The following PHACTR1 variants were observed in gnomAD, a reference collection of about 807,000 sequenced individuals.
PHACTR1 encodes phosphatase and actin regulator 1.
A neutral mutation model predicts 69.2 loss-of-function variants in PHACTR1; 16 were observed. That is an observed-to-expected ratio of 0.23 (90% CI 0.16 to 0.35). The LOEUF is 0.35. Among genes scored for constraint, PHACTR1 ranks in the 10% least tolerant of loss-of-function variants. PHACTR1 has a pLI of 1.00. For missense variants in PHACTR1, 510 were observed against 734.7 expected (o/e 0.69, Z 3.54); for synonymous variants, 312 against 284.5 (o/e 1.10, Z -0.97).
chr6:12,859,690 C>T (rs1295150517), intron 4 of PHACTR1, among the ~76,000 whole-genome samples: 2 of 152,164 alleles, frequency 1.3e-5, no homozygotes, highest in Non-Finnish European at 2.9e-5. Flanking sequence ...TAGGCCATCA[C>T]CAAGTAGCCT....
rs569968470 is a variant in PHACTR1 at position 13,169,515 on chromosome 6, T to TA, written c.496+9238dup. 6.2e-4 allele frequency among the ~76,000 whole-genome samples: 94 copies of TA among 151,312 alleles called. No homozygotes were observed. In the Middle Eastern group the frequency reaches 0.01, roughly 16 times the overall value. The stretch of plus-strand genomic sequence containing the variant: ...ACCCCAACATTTAATGTTTGGGGAG[T>TA]AAAAAAATGACCTAGGAGTAAGAAG... On this transcript the variant is annotated intron_variant, in intron 6 of 14. Coordinates refer to ENST00000332995, the MANE Select transcript of PHACTR1 (RefSeq NM_030948.6).
At chr6:13,080,418 T>C (rs1231403763) in intron 5 of PHACTR1, among the ~76,000 whole-genome samples, 1 of 152,156 alleles carries the variant, frequency 6.6e-6, no homozygotes, top group Non-Finnish European at 1.5e-5. Flanking sequence ...CTGGGGTGTG[T>C]AAGGGTCAAA....
intron 3 of PHACTR1, among the ~76,000 whole-genome samples, chr6:12,725,594 A>G (rs1179026728): frequency 6.6e-6 from 1 of 152,230 alleles, no homozygotes; most frequent in Non-Finnish European, 1.5e-5. Flanking sequence ...ATCAAAATAG[A>G]TATAATGCTA....
chr6:13,064,840 T>C (rs1261432416), intron 5 of PHACTR1, among the ~76,000 whole-genome samples: 1 of 151,484 alleles, frequency 6.6e-6, no homozygotes, highest in Non-Finnish European at 1.5e-5. Context: ...GTCAACTTGA[T>C]TTTTGTGATT....
chr6:12,891,199 C>G (rs1378648934), intron 4 of PHACTR1, among the ~76,000 whole-genome samples: 1 of 151,978 alleles, frequency 6.6e-6, no homozygotes, highest in Non-Finnish European at 1.5e-5. Context: ...ATAATATCAC[C>G]ATTTTTAATA....
chr6:13,228,646 C>T (rs1040327364), intron 9 of PHACTR1, among the ~76,000 whole-genome samples: 1 of 152,196 alleles, frequency 6.6e-6, no homozygotes, highest in Non-Finnish European at 1.5e-5. Context: ...AATAAATGAA[C>T]TTATGAGAAT....
chr6:13,227,843 T>A lies in PHACTR1; in HGVS notation c.1014T>A (p.Thr338=), dbSNP rs770161631. The A allele has an allele frequency of 3.7e-6, 6 of 1,614,026 alleles. No homozygotes were observed. The highest frequency in any genetic ancestry group is 5.1e-6 in the Non-Finnish European group (6 of 1,179,864). ...ESSEQRVPCS[T]SYHSSGLHSG... is the part of the protein sequence containing the mutation. ...CTGAGCAGCGGGTCCCCTGTTCCAC[T>A]TCTTACCACAGCTCTGGGTTGCACT... Residue 338 remains threonine, a synonymous_variant, in exon 9 of 15, where the codon ACT becomes ACA. Coordinates refer to ENST00000332995, the MANE Select transcript of PHACTR1 (RefSeq NM_030948.6).
At chr6:13,255,348 C>A (rs12525906) in intron 10 of PHACTR1, among the ~76,000 whole-genome samples, 11,440 of 152,242 alleles carry the variant, frequency 0.075, 713 homozygotes, top group Admixed American at 0.22. Flanking sequence ...CTGGGTATTA[C>A]AATTGAACAT....
intron 4 of PHACTR1, among the ~76,000 whole-genome samples, chr6:12,917,651 A>G (rs1787160372): frequency 6.6e-6 from 1 of 152,142 alleles, no homozygotes; most frequent in African/African-American, 2.4e-5. Context: ...GCTATTCAGG[A>G]GACAGAGGTA....
intron 4 of PHACTR1, among the ~76,000 whole-genome samples, chr6:12,857,340 G>A (rs978001367): frequency 3.9e-5 from 6 of 152,266 alleles, no homozygotes; most frequent in African/African-American, 7.2e-5. Flanking sequence ...CGTCAGGCGC[G>A]GTGGTTCATG....
Position 12,931,722 on chromosome 6 carries a change from G to A in PHACTR1, c.251-121643G>A, listed in dbSNP as rs564957179. 2.0e-5 allele frequency among the ~76,000 whole-genome samples: 3 copies of A among 151,866 alleles called. No individual in the cohort carries two copies. In the South Asian group the frequency reaches 6.2e-4, roughly 32 times the overall value. ...TTCACATAAGTAAAAAAGGAGGGGA[G>A]TGTATGCCCTGAATTGCCCTCGTAT... On this transcript the variant is annotated intron_variant, in intron 4 of 14. Transcript: ENST00000332995.
intron 4 of PHACTR1, among the ~76,000 whole-genome samples, chr6:12,920,104 G>A (rs1787473134): frequency 6.6e-6 from 1 of 152,114 alleles, no homozygotes; most frequent in African/African-American, 2.4e-5. Context: ...AAGAAATATT[G>A]GTATGATTAT....
chr6:12,824,660 A>G (rs57387500), intron 4 of PHACTR1, among the ~76,000 whole-genome samples: 32,319 of 152,080 alleles, frequency 0.21, 3,739 homozygotes, highest in African/African-American at 0.31. Flanking sequence ...AGATAAAGTT[A>G]TTCTTTTCCT....
intron 4 of PHACTR1, among the ~76,000 whole-genome samples, chr6:12,833,098 G>T (rs1382266814): frequency 6.6e-6 from 1 of 152,014 alleles, no homozygotes; most frequent in Non-Finnish European, 1.5e-5. Context: ...GAGGTTCACT[G>T]TCTTCCCACT....
At chr6:12,809,432 C>T (rs1774775080) in intron 4 of PHACTR1, among the ~76,000 whole-genome samples, 1 of 152,156 alleles carries the variant, frequency 6.6e-6, no homozygotes, top group Non-Finnish European at 1.5e-5. Flanking sequence ...CCAGTGAAAC[C>T]TCAGTTATTC....
chr6:12,970,536 G>A (rs1028071167), intron 4 of PHACTR1, among the ~76,000 whole-genome samples: 1 of 152,204 alleles, frequency 6.6e-6, no homozygotes, highest in East Asian at 1.9e-4. Context: ...TTGTGAGGCC[G>A]AGGCAGAAGG....
chr6:13,090,574 C>A (rs771921279), intron 5 of PHACTR1, among the ~76,000 whole-genome samples: 1 of 152,168 alleles, frequency 6.6e-6, no homozygotes, highest in Non-Finnish European at 1.5e-5. Context: ...CCACCTACCT[C>A]GTCCTCCCAA....
chr6:12,875,581 T>TA (rs1439828151), intron 4 of PHACTR1, among the ~76,000 whole-genome samples: 1 of 152,146 alleles, frequency 6.6e-6, no homozygotes, highest in Non-Finnish European at 1.5e-5. Flanking sequence ...GAAAGACCAG[T>TA]AAAAAAGGTA....
At chr6:13,115,465 AGCTAC>A (rs1266318348) in intron 5 of PHACTR1, among the ~76,000 whole-genome samples, 1 of 152,030 alleles carries the variant, frequency 6.6e-6, no homozygotes, top group Non-Finnish European at 1.5e-5. Flanking sequence ...TTCCTTTTTA[AGCTAC>A]ACCTTCTTCT....
Sources: gnomAD v4.1 joint callset for allele counts (sites outside exome capture counted in the v4.1 genomes callset) on GRCh38, gnomAD v4.1.1 for gene constraint, MANE v1.5 for transcripts, NCBI Gene and HGNC (gene_info 2026-07-23, HGNC 2026-07-21) for gene names.